WIZ: variants seen among roughly 807,000 people sequenced by gnomAD.
WIZ encodes the protein protein Wiz.
A neutral mutation model predicts 140.2 loss-of-function variants in WIZ; 25 were observed. That is an observed-to-expected ratio of 0.18 (90% confidence interval 0.13 to 0.25). The LOEUF (loss-of-function observed/expected upper bound fraction) is 0.25, where lower values mean the gene tolerates loss of function less well. Among genes scored for constraint, WIZ ranks in the 10% least tolerant of loss-of-function variants. The pLI is 1.00. For synonymous variants in WIZ, 1,125 were observed against 1,154.3 expected (o/e 0.97, Z 0.51); for missense variants, 2,231 against 2,632.6 (o/e 0.85, Z 3.34).
Position 15,420,024 on chromosome 19 carries a change from G to T in WIZ, c.*3052C>A, listed in dbSNP as rs1033908251. 2.6e-5 allele frequency: 4 copies of T among 152,202 alleles called. No individual in the cohort carries two copies. The highest frequency in any genetic ancestry group is 6.5e-5 in the Admixed American group (1 of 15,288). 9.4% of individuals were successfully genotyped at this position (152,202 alleles called of 1,614,324 possible). A position where few individuals can be genotyped will look rare whatever the true frequency, so the allele number is the denominator to read the frequency against. On this transcript the variant is annotated 3_prime_UTR_variant, in exon 13 of 13. Coordinates refer to ENST00000673675, the MANE Select transcript of WIZ (RefSeq NM_001371589.1). The stretch of plus-strand genomic sequence containing the variant: ...AGGTATGCTGTTTCTTTTTGATATT[G>T]TTGATTTCTTTAGGTGTAATAGTGG...
chr19:15,425,192 G>C (rs1968663366), intron 10 of WIZ, 49 bp downstream of exon 10: 2 of 1,549,774 alleles, frequency 1.3e-6, no homozygotes, highest in African/African-American at 1.4e-5. Flanking sequence ...TGCCTGGCCT[G>C]GCAGGCCCTG....
In WIZ at chr19:15,448,308, C is replaced by A. The variant is rs377351271; in HGVS notation, c.-1G>T. On this transcript the variant is annotated 5_prime_UTR_variant, in exon 2 of 13. Coordinates refer to ENST00000673675, the MANE Select transcript of WIZ (RefSeq NM_001371589.1). ...GGCTGCCTGCCAGAGACCCCTCCAT[C>A]GGATTTTCTCTGCTTGGATCCACTC... 1.2e-6 allele frequency: 2 copies of A among 1,611,740 alleles called. No homozygotes were observed. The highest frequency in any genetic ancestry group is 1.3e-5 in the African/African-American group (1 of 75,004).
chr19:15,432,454 G>A, intron 5 of WIZ: 1 of 983,896 alleles, frequency 1.0e-6, no homozygotes, highest in Non-Finnish European at 1.2e-6. Context: ...AGCGGACGCG[G>A]GCCCGGGCCC....
In WIZ at chr19:15,428,194, G is replaced by T. The variant is rs537978769; in HGVS notation, c.3730C>A (p.Pro1244Thr). The stretch of plus-strand genomic sequence containing the variant: ...GCCGAGAGGTCCTGCTTCCCCCAGG[G>T]GCTGGCCATACCCGCGGCCTTCAGC... The part of the protein sequence containing the change: ...AKLKAAGMAS[P>T]WGKQDLSAAA... Residue 1244 changes from proline to threonine, a missense_variant, in exon 8 of 13, where the codon CCC becomes ACC. By Grantham distance (38) the Pro-to-Thr change is conservative (BLOSUM62 -1). Around this residue, in one of 15 missense-constraint regions of WIZ, gnomAD observed 141 missense variants for 161.2 expected, o/e 0.87. Transcript: ENST00000673675. The surrounding 1 kb of genome is among the most constrained non-coding windows in gnomAD (Gnocchi z 6.4). 5.3e-5 allele frequency: 82 copies of T among 1,534,440 alleles called. No individual in the cohort carries two copies. Among genetic ancestry groups the T allele is most frequent in the Non-Finnish European group, 6.9e-5 (79 of 1,146,708 alleles).
chr19:15,448,170 G>A lies in WIZ; in HGVS notation c.138C>T (p.Ser46=), dbSNP rs1476485072. The A allele has an allele frequency of 6.2e-7, 1 of 1,612,844 alleles. No homozygotes were observed. The highest frequency in any genetic ancestry group is 1.3e-5 in the African/African-American group (1 of 74,874). The change falls in exon 2 of 13, where the codon TCC becomes TCT. Residue 46 remains serine (S), a synonymous_variant. Transcript: ENST00000673675. ...AAEGEGGIFR[S]TRYLPVTKEG... ...CCTTGGTGACAGGCAGGTAACGGGT[G>A]GACCGGAAGATGCCACCTTCCCCCT...
chr19:15,440,454 G>A lies in WIZ; in HGVS notation c.540C>T (p.Gly180=). Reference sequence around the variant, plus strand: ...CTTGGAGCCAGTCGAACCTGGGGCGGCCCTGGGCATGTTTCTCCAAAAGCC... The same window carrying A: ...CTTGGAGCCAGTCGAACCTGGGGCGACCCTGGGCATGTTTCTCCAAAAGCC... ...EPRLLEKHAQ[G]RPRFDWLQDE... Residue 180 remains glycine, a synonymous_variant, in exon 4 of 13, where the codon GGC becomes GGT. Transcript: ENST00000673675. The surrounding 1 kb of genome is among the most constrained non-coding windows in gnomAD (Gnocchi z 6.2). 2 of 1,536,108 alleles carry A rather than the reference G, an allele frequency of 1.3e-6. No individual in the cohort carries two copies. The highest frequency in any genetic ancestry group is 8.7e-7 in the Non-Finnish European group (1 of 1,146,898).
rs749445339 is a variant in WIZ, at chr19:15,425,486, G to A, written c.4649C>T (p.Pro1550Leu). ...VAPGPVQSPL[P>L]LSPLAGRPGK... ...TGGCCGGCCAGCCAGGGGCGACAGCGGCAGTGGGGACTGCACGGGCCCAGG... is the reference window on the plus strand; with the variant it reads ...TGGCCGGCCAGCCAGGGGCGACAGCAGCAGTGGGGACTGCACGGGCCCAGG... Residue 1550 changes from proline (P) to leucine (L), a missense_variant, in exon 10 of 13, where the codon CCG becomes CTG. Coordinates refer to ENST00000673675, the MANE Select transcript of WIZ (RefSeq NM_001371589.1). 2.9e-5 allele frequency: 47 copies of A among 1,607,348 alleles called. No homozygotes were observed. The highest frequency in any genetic ancestry group is 5.1e-5 in the Admixed American group (3 of 58,926).
chr19:15,433,948 C>G (rs547630774), intron 5 of WIZ, among the ~76,000 whole-genome samples: 6 of 152,190 alleles, frequency 3.9e-5, no homozygotes, highest in Non-Finnish European at 7.3e-5. Flanking sequence ...ACCCCAGCAG[C>G]TGCAAGTAGG....
intron 5 of WIZ, among the ~76,000 whole-genome samples, chr19:15,433,612 G>C (rs1463038690): frequency 6.6e-6 from 1 of 152,300 alleles, no homozygotes; most frequent in East Asian, 1.9e-4. Context: ...CTCATCCGTA[G>C]GCTGATTCCT....
chr19:15,430,884 G>T, intron 6 of WIZ, 128 bp downstream of exon 6: 1 of 1,189,286 alleles, frequency 8.4e-7, no homozygotes, highest in Non-Finnish European at 1.1e-6. Flanking sequence ...CAACCTTGGT[G>T]CCTCAAGGTG....
chr19:15,425,179 C>A, intron 10 of WIZ, 62 bp downstream of exon 10: 1 of 1,546,362 alleles, frequency 6.5e-7, no homozygotes, highest in South Asian at 1.2e-5. Context: ...ACGCTTGTGG[C>A]ATTGCCTGGC....
chr19:15,423,880 G>A (rs370491861), intron 12 of WIZ, among the ~76,000 whole-genome samples: 2 of 152,196 alleles, frequency 1.3e-5, no homozygotes, highest in African/African-American at 2.4e-5. Flanking sequence ...CTTACTCCTC[G>A]TAACAAATCT....
At position 15,424,790 on chromosome 19, in the gene WIZ, T is replaced by C. The variant is rs779408177; in HGVS notation, c.5137A>G (p.Ser1713Gly). 152 of 1,598,612 alleles carry C rather than the reference T, an allele frequency of 9.5e-5. No individual in the cohort carries two copies. Among genetic ancestry groups the C allele is most frequent in the Non-Finnish European group, 1.1e-4 (131 of 1,173,756 alleles). The change falls in exon 11 of 13, where the codon AGT becomes GGT. Residue 1713 changes from serine (S) to glycine (G), a missense_variant. By Grantham distance (56) the Ser-to-Gly change is moderately conservative. Coordinates refer to ENST00000673675, the MANE Select transcript of WIZ (RefSeq NM_001371589.1). The surrounding 1 kb of genome is among the most constrained non-coding windows in gnomAD (Gnocchi z 9.7). ...KFRSAGHGRDSDKRPSLGLAP... is the reference protein window; with the variant it reads ...KFRSAGHGRDGDKRPSLGLAP... The stretch of plus-strand genomic sequence containing the variant: ...AGCCCCAGGGACGGCCGCTTGTCAC[T>C]GTCACGGCCATGGCCGGCACTGCGG...
At position 15,438,773 on chromosome 19, in the gene WIZ, C is replaced by A; in HGVS notation, c.2221G>T (p.Ala741Ser). ...GLDTLLDGDP[A>S]MALKHEERKC... ...CGCTCCTCGTGCTTCAGTGCCATGGCCGGATCCCCATCCAGGAGTGTGTCC... is the reference window on the plus strand; with the variant it reads ...CGCTCCTCGTGCTTCAGTGCCATGGACGGATCCCCATCCAGGAGTGTGTCC... Residue 741 changes from alanine (A) to serine (S), a missense_variant, in exon 4 of 13, where the codon GCC becomes TCC. Ala to Ser is a moderately conservative substitution (Grantham distance 99). Around this residue, in one of 15 missense-constraint regions of WIZ, gnomAD observed 118 missense variants for 209.1 expected, o/e 0.56. Transcript: ENST00000673675. 5 of 1,534,408 alleles carry A rather than the reference C, an allele frequency of 3.3e-6. No individual in the cohort carries two copies. Among genetic ancestry groups the A allele is most frequent in the Non-Finnish European group, 4.4e-6 (5 of 1,145,562 alleles).
At chr19:15,431,301 C>T in intron 5 of WIZ, 119 bp from the exon 6 acceptor site, 2 of 1,283,986 alleles carry the variant, frequency 1.6e-6, no homozygotes, top group Non-Finnish European at 1.0e-6. Flanking sequence ...AAGCGACTCA[C>T]CCCAGGAAAG....
At chr19:15,432,411 C>T (rs1969311305) in intron 5 of WIZ, 1 of 984,146 alleles carries the variant, frequency 1.0e-6, no homozygotes, top group African/African-American at 1.7e-5. Context: ...CCTCCCCACA[C>T]CCTCCCAAGC....
chr19:15,446,639 G>A (rs955271253), intron 2 of WIZ, among the ~76,000 whole-genome samples: 1 of 152,154 alleles, frequency 6.6e-6, no homozygotes, highest in Non-Finnish European at 1.5e-5. Flanking sequence ...TTCCCCCTTG[G>A]TCTGGCTCAT....
intron 5 of WIZ, among the ~76,000 whole-genome samples, chr19:15,435,600 C>T (rs781532936): frequency 2.0e-5 from 3 of 151,482 alleles, no homozygotes; most frequent in African/African-American, 7.3e-5. Context: ...TTTGGGAGGC[C>T]GAAGCGGGCA....
At chr19:15,448,479 C>T in intron 1 of WIZ, 112 bp from the exon 2 acceptor site, 1 of 789,062 alleles carries the variant, frequency 1.3e-6, no homozygotes, top group Non-Finnish European at 2.0e-6. Flanking sequence ...CCTCAGTTTA[C>T]CTCCCAGCCC....
Sources: allele counts gnomAD v4.1 joint callset (sites outside exome capture counted in the v4.1 genomes callset), GRCh38; gene constraint gnomAD v4.1.1; regional missense constraint gnomAD v4.1.1; non-coding constraint Gnocchi (gnomAD v3.1); transcripts MANE v1.5; gene names NCBI Gene and HGNC (gene_info 2026-07-23, HGNC 2026-07-21).